SGCD: variants seen among roughly 807,000 people sequenced by gnomAD.
The protein encoded by SGCD is sarcoglycan delta.
In SGCD, 18 loss-of-function variants were observed where a neutral mutation model predicts 36.6. The ratio of observed to expected loss-of-function variants is 0.49; its 90% confidence interval spans 0.34 to 0.73. The LOEUF (loss-of-function observed/expected upper bound fraction) is 0.73. SGCD is among the 30% of genes least tolerant of loss of function. SGCD has a pLI of 0.01. For missense variants in SGCD, 387 were observed against 346.7 expected (o/e 1.12, Z -0.92); for synonymous variants, 133 against 130.6 (o/e 1.02, Z -0.12).
At chr5:156,393,866 G>T (rs1385479753) in intron 3 of SGCD, 1 of 455,876 alleles carries the variant, frequency 2.2e-6, no homozygotes, top group Non-Finnish European at 4.4e-6. Flanking sequence ...TTTGCTGCTG[G>T]TGAGTTTTGT....
chr5:156,137,195 A>T (rs988890392), intron 3 of SGCD, among the ~76,000 whole-genome samples: 1 of 152,198 alleles, frequency 6.6e-6, no homozygotes, highest in African/African-American at 2.4e-5. Context: ...TGACCAAATA[A>T]GGTCTTTCCC....
At chr5:156,602,400 C>T (rs1253082475) in intron 6 of SGCD, among the ~76,000 whole-genome samples, 1 of 151,758 alleles carries the variant, frequency 6.6e-6, no homozygotes, top group South Asian at 2.1e-4. Flanking sequence ...AAAATCTTAT[C>T]ATCTGCAAAC....
At chr5:156,651,974 C>T (rs1209589426) in intron 7 of SGCD, among the ~76,000 whole-genome samples, 3 of 151,934 alleles carry the variant, frequency 2.0e-5, no homozygotes, top group East Asian at 3.9e-4. Flanking sequence ...TTATAGTTCT[C>T]CTTGTAGAGA....
intron 3 of SGCD, among the ~76,000 whole-genome samples, chr5:156,355,328 A>G (rs1301632191): frequency 6.6e-6 from 1 of 152,242 alleles, no homozygotes; most frequent in Non-Finnish European, 1.5e-5. Context: ...AACCATTTTA[A>G]TATAAAAAGG....
At chr5:156,044,778 A>G (rs1759721735) in intron 1 of SGCD, among the ~76,000 whole-genome samples, 1 of 152,182 alleles carries the variant, frequency 6.6e-6, no homozygotes, top group South Asian at 2.1e-4. Context: ...CAGAGAAGCA[A>G]AATTAAAAAT....
At chr5:156,491,585 A>C (rs975201647) in intron 3 of SGCD, among the ~76,000 whole-genome samples, 1 of 152,216 alleles carries the variant, frequency 6.6e-6, no homozygotes, top group Non-Finnish European at 1.5e-5. Context: ...TCCATAAATA[A>C]GTACAATCAT....
At chr5:155,777,359 TG>T in the SGCD span, among the ~76,000 whole-genome samples, 42 of 100,076 alleles carry the variant, frequency 4.2e-4, no homozygotes, top group East Asian at 2.1e-3. Context: ...GTAGTTTTTT[TG>T]TTTTTTTTTT....
rs1218348339 is a variant in SGCD at position 156,101,941 on chromosome 5, T to TGTGTGTGTGA, written c.-281-15936_-281-15935insTGTGTGTGAG. On this transcript the variant is annotated intron_variant, in intron 1 of 9. Transcript: ENST00000517913. Reference sequence around the variant, plus strand: ...GTGTGTGTGTGTGTGTGTGTGTGTGTGAGAGAGAGAGAGAGAGAGAGAGAG... The same window carrying TGTGTGTGTGA: ...GTGTGTGTGTGTGTGTGTGTGTGTGTGTGTGTGTGAGAGAGAGAGAGAGAGAGAGAGAGAG... Among the ~76,000 whole-genome samples, 48 of 138,350 alleles carry TGTGTGTGTGA rather than the reference T, an allele frequency of 3.5e-4. 1 individual carries two copies. In the South Asian group the frequency reaches 5.0e-3, roughly 14 times the overall value. The allele number at this position is 138,350 out of a possible 152,430, so 90.8% of individuals were successfully genotyped here. A position where few individuals can be genotyped will look rare whatever the true frequency, so the allele number is the denominator to read the frequency against.
At chr5:156,270,048 G>A (rs1317862890) in intron 3 of SGCD, among the ~76,000 whole-genome samples, 1 of 152,134 alleles carries the variant, frequency 6.6e-6, no homozygotes, top group African/African-American at 2.4e-5. Flanking sequence ...GTTGATTTTT[G>A]TATTTGGTGT....
intron 1 of SGCD, among the ~76,000 whole-genome samples, chr5:156,106,040 G>T (rs980801282): frequency 3.5e-4 from 52 of 149,300 alleles, no homozygotes; most frequent in African/African-American, 1.3e-3. Context: ...AACCTGGGAG[G>T]TGGAGGTTGC....
At chr5:156,614,225 A>G (rs1362782265) in intron 6 of SGCD, among the ~76,000 whole-genome samples, 1 of 152,202 alleles carries the variant, frequency 6.6e-6, no homozygotes, top group Non-Finnish European at 1.5e-5. Flanking sequence ...GATTACAAGC[A>G]TGAGCCACTA....
chr5:156,042,714 G>C (rs1027689036), intron 1 of SGCD, among the ~76,000 whole-genome samples: 1 of 152,138 alleles, frequency 6.6e-6, no homozygotes. Flanking sequence ...GGTGGGCCTG[G>C]GGGGAGCCAT....
chr5:156,453,933 C>T (rs1754138909), intron 3 of SGCD, among the ~76,000 whole-genome samples: 1 of 152,084 alleles, frequency 6.6e-6, no homozygotes, highest in Non-Finnish European at 1.5e-5. Context: ...GAAAACAGAC[C>T]AGCAGTTGCT....
At chr5:155,746,779 G>A in the SGCD span, among the ~76,000 whole-genome samples, 1 of 152,138 alleles carries the variant, frequency 6.6e-6, no homozygotes, top group Non-Finnish European at 1.5e-5. Context: ...GCCACCCCAG[G>A]AAGGTCATAT....
At chr5:156,458,410 CGATGTAGTA>C in intron 3 of SGCD, 1 of 1,595,670 alleles carries the variant, frequency 6.3e-7, no homozygotes, top group Non-Finnish European at 8.6e-7. Flanking sequence ...TTGATGTGAT[CGATGTAGTA>C]GACACCAATC....
At chr5:156,281,292 T>C (rs1766446614) in intron 3 of SGCD, among the ~76,000 whole-genome samples, 1 of 152,114 alleles carries the variant, frequency 6.6e-6, no homozygotes, top group South Asian at 2.1e-4. Flanking sequence ...AAAAGAACCA[T>C]ATCTGGATAC....
intron 3 of SGCD, among the ~76,000 whole-genome samples, chr5:156,170,827 A>T (rs889749583): frequency 6.6e-6 from 1 of 152,128 alleles, no homozygotes; most frequent in African/African-American, 2.4e-5. Context: ...ATAAATCCCC[A>T]TGCAGCTTTT....
At chr5:156,531,379 T>C (rs1479170924) in intron 4 of SGCD, among the ~76,000 whole-genome samples, 2 of 152,152 alleles carry the variant, frequency 1.3e-5, no homozygotes, top group Non-Finnish European at 2.9e-5. Context: ...AAGAAACAGA[T>C]GGACTAAAAC....
At chr5:156,667,067 C>T (rs554693545) in intron 7 of SGCD, among the ~76,000 whole-genome samples, 1 of 152,140 alleles carries the variant, frequency 6.6e-6, no homozygotes, top group Admixed American at 6.5e-5. Flanking sequence ...ACATAAAGCT[C>T]AAAGGAAATA....
Sources: allele counts gnomAD v4.1 joint callset (sites outside exome capture counted in the v4.1 genomes callset), GRCh38; gene constraint gnomAD v4.1.1; transcripts MANE v1.5; gene names NCBI Gene and HGNC (gene_info 2026-07-23, HGNC 2026-07-21).